CFAP54: variants seen among roughly 807,000 people sequenced by gnomAD.
CFAP54 encodes cilia- and flagella-associated protein 54.
A neutral mutation model predicts 370.4 loss-of-function variants in CFAP54; 290 were observed. The ratio of observed to expected loss-of-function variants is 0.78; its 90% CI spans 0.71 to 0.86. CFAP54 has a LOEUF of 0.86. Among genes scored for constraint, CFAP54 ranks in the 40% least tolerant of loss-of-function variants. CFAP54 has a pLI of 0.00. For synonymous variants in CFAP54, 1,206 were observed against 1,236.5 expected, an observed-to-expected ratio of 0.98 and a Z score of 0.52; for missense variants, 3,399 against 3,528.7, an observed-to-expected ratio of 0.96 and a Z score of 0.93.
intron 46 of CFAP54, among the ~76,000 whole-genome samples, chr12:96,700,540 T>G (rs959228542): frequency 6.6e-6 from 1 of 152,204 alleles, no homozygotes; most frequent in Non-Finnish European, 1.5e-5. Context: ...TTCTTCTGAT[T>G]TCTGTGAGGA....
chr12:96,698,105 G>T (rs1257522214), intron 45 of CFAP54, among the ~76,000 whole-genome samples: 1 of 152,084 alleles, frequency 6.6e-6, no homozygotes, highest in East Asian at 1.9e-4. Context: ...GTATCCCTTT[G>T]TATGTTGTGT....
chr12:96,761,927 A>G (rs532402642), intron 58 of CFAP54, among the ~76,000 whole-genome samples: 2 of 152,054 alleles, frequency 1.3e-5, no homozygotes, highest in Non-Finnish European at 2.9e-5. Flanking sequence ...GCATGTTCCA[A>G]CTATATTCTT....
At chr12:96,645,008 G>A in intron 33 of CFAP54, 1 of 352,662 alleles carries the variant, frequency 2.8e-6, no homozygotes, top group South Asian at 2.2e-5. Flanking sequence ...TTCAGTGCAA[G>A]GGTAAAATGT....
At chr12:96,557,356 A>C (rs725214) in intron 17 of CFAP54, among the ~76,000 whole-genome samples, 9,638 of 152,248 alleles carry the variant, frequency 0.063, 758 homozygotes, top group African/African-American at 0.17. Context: ...TTCATAGAAA[A>C]GGAAGAAGTT....
At position 96,696,063 on chromosome 12, in the gene CFAP54, T is replaced by C. The variant is rs939565128; in HGVS notation, c.6351+2255T>C. On this transcript the variant is annotated intron_variant, in intron 45 of 67. Transcript: ENST00000524981. ...TTTAGGTTTCATAAGTAGGTAAGATTTAGACTTGAAAAGAGTAGAATTCAT... is the reference window on the plus strand; with the variant it reads ...TTTAGGTTTCATAAGTAGGTAAGATCTAGACTTGAAAAGAGTAGAATTCAT... Among the ~76,000 whole-genome samples the C allele has an allele frequency of 2.6e-5, 4 of 152,276 alleles. No individual in the cohort carries two copies. In the East Asian group the frequency reaches 7.7e-4, roughly 29 times the overall value.
intron 66 of CFAP54, among the ~76,000 whole-genome samples, chr12:96,860,530 GC>G (rs1959852689): frequency 6.6e-6 from 1 of 152,154 alleles, no homozygotes; most frequent in Non-Finnish European, 1.5e-5. Context: ...ATGCAGGAAA[GC>G]GTTTTATTAG....
intron 42 of CFAP54, among the ~76,000 whole-genome samples, chr12:96,685,650 C>T (rs1248960727): frequency 1.3e-5 from 2 of 151,882 alleles, no homozygotes; most frequent in Non-Finnish European, 1.5e-5. Flanking sequence ...CTCCTGGGTT[C>T]GAGATTCTCC....
intron 45 of CFAP54, among the ~76,000 whole-genome samples, chr12:96,697,209 C>T (rs1957446653): frequency 6.6e-6 from 1 of 152,080 alleles, no homozygotes; most frequent in Admixed American, 6.5e-5. Context: ...CCATTATTTA[C>T]CCAATTGATT....
intron 1 of CFAP54, among the ~76,000 whole-genome samples, chr12:96,495,686 T>G (rs899809178): frequency 6.6e-6 from 1 of 152,082 alleles, no homozygotes; most frequent in Non-Finnish European, 1.5e-5. Flanking sequence ...CATTAACATT[T>G]TCTTCTCAAA....
intron 56 of CFAP54, among the ~76,000 whole-genome samples, chr12:96,754,748 A>ATT (rs111320723): frequency 5.2e-4 from 75 of 143,600 alleles, no homozygotes; most frequent in African/African-American, 1.8e-3. Context: ...TAGTGCCTAC[A>ATT]TTTTTTTTTT....
intron 60 of CFAP54, among the ~76,000 whole-genome samples, chr12:96,769,260 T>C (rs771089458): frequency 1.3e-5 from 2 of 152,228 alleles, no homozygotes; most frequent in African/African-American, 4.8e-5. Flanking sequence ...TATTTAAATT[T>C]TGAATTCAAA....
chr12:96,863,261 A>G (rs1373256878), intron 67 of CFAP54, among the ~76,000 whole-genome samples: 1 of 152,072 alleles, frequency 6.6e-6, no homozygotes, highest in African/African-American at 2.4e-5. Context: ...GGTATCACCA[A>G]CACTCCACCA....
At chr12:96,527,554 T>C in intron 9 of CFAP54, 110 bp downstream of exon 9, 1 of 648,208 alleles carries the variant, frequency 1.5e-6, no homozygotes, top group African/African-American at 1.9e-5. Flanking sequence ...ATATTGTTTT[T>C]TTTTTTTTGT....
At chr12:96,683,459 A>G (rs921581694) in intron 40 of CFAP54, among the ~76,000 whole-genome samples, 1 of 152,260 alleles carries the variant, frequency 6.6e-6, no homozygotes, top group African/African-American at 2.4e-5. Context: ...TTCAGAAATC[A>G]TGTACATTTA....
chr12:96,632,265 T>C (rs914652787), intron 32 of CFAP54, among the ~76,000 whole-genome samples: 1 of 152,042 alleles, frequency 6.6e-6, no homozygotes. Context: ...TAAAGTTTTT[T>C]AATAATTAAT....
At chr12:96,701,823 T>C (rs958991003) in intron 46 of CFAP54, among the ~76,000 whole-genome samples, 4 of 152,162 alleles carry the variant, frequency 2.6e-5, no homozygotes, top group South Asian at 2.1e-4. Context: ...TAAGACCTCA[T>C]AGGGCTTGAT....
intron 33 of CFAP54, chr12:96,645,735 C>A (rs1592904349): frequency 1.3e-5 from 2 of 152,460 alleles, no homozygotes; most frequent in East Asian, 3.9e-4. Context: ...CAGCATGGTA[C>A]TGGTACCAAA....
intron 63 of CFAP54, among the ~76,000 whole-genome samples, chr12:96,800,927 A>G (rs1485403970): frequency 6.6e-6 from 1 of 152,208 alleles, no homozygotes; most frequent in Non-Finnish European, 1.5e-5. Flanking sequence ...ACATCTGAGC[A>G]TGGTGCCATA....
chr12:96,801,705 T>G (rs543652677), intron 63 of CFAP54, among the ~76,000 whole-genome samples: 1 of 152,316 alleles, frequency 6.6e-6, no homozygotes, highest in Admixed American at 6.5e-5. Flanking sequence ...ATTTGAATTA[T>G]GTTTATAACT....
Sources: allele counts gnomAD v4.1 joint callset (sites outside exome capture counted in the v4.1 genomes callset), GRCh38; gene constraint gnomAD v4.1.1; transcripts MANE v1.5; gene names NCBI Gene and HGNC (gene_info 2026-07-23, HGNC 2026-07-21).